STPG2: variants seen among roughly 807,000 people sequenced by gnomAD.
STPG2 encodes the protein sperm tail PG-rich repeat containing 2.
STPG2 carries 56 observed loss-of-function variants against 54.2 expected under a neutral mutation model. The ratio of observed to expected loss-of-function variants is 1.03; its 90% CI spans 0.83 to 1.29. The LOEUF (loss-of-function observed/expected upper bound fraction) is 1.29, where lower values mean the gene tolerates loss of function less well. STPG2 is among the 50% of genes most tolerant of loss of function. The pLI, the probability that STPG2 is intolerant of heterozygous loss-of-function variation, is 0.00. For missense variants in STPG2, 596 were observed against 544.9 expected, an observed-to-expected ratio of 1.09 and a Z score of -0.93; for synonymous variants, 200 against 181.8, an observed-to-expected ratio of 1.10 and a Z score of -0.81.
intron 9 of STPG2, among the ~76,000 whole-genome samples, chr4:97,801,921 T>G (rs891143224): frequency 6.6e-6 from 1 of 152,156 alleles, no homozygotes; most frequent in African/African-American, 2.4e-5. Flanking sequence ...TAACGTTAAC[T>G]TTACATCAAA....
intron 9 of STPG2, among the ~76,000 whole-genome samples, chr4:97,774,750 G>A (rs1349622524): frequency 1.3e-5 from 2 of 152,120 alleles, no homozygotes; most frequent in Non-Finnish European, 2.9e-5. Context: ...CATAGTGTTG[G>A]CTCCACACTA....
At chr4:98,137,813 T>C (rs1003367268) in intron 1 of STPG2, among the ~76,000 whole-genome samples, 1 of 151,842 alleles carries the variant, frequency 6.6e-6, no homozygotes, top group African/African-American at 2.4e-5. Context: ...TATGAAATAA[T>C]TGGGCAATAA....
intron 8 of STPG2, among the ~76,000 whole-genome samples, chr4:97,936,395 T>C (rs76787011): frequency 0.017 from 2,542 of 152,326 alleles, 84 homozygotes; most frequent in African/African-American, 0.058. Flanking sequence ...AACATTGTTA[T>C]GTTATTAAAT....
intron 10 of STPG2, among the ~76,000 whole-genome samples, chr4:97,634,437 C>T (rs1037457181): frequency 2.0e-5 from 3 of 152,198 alleles, no homozygotes; most frequent in Non-Finnish European, 4.4e-5. Context: ...GAGCTCCTCT[C>T]CTCCTCCAAA....
chr4:97,652,057 T>A (rs540768483), intron 10 of STPG2, among the ~76,000 whole-genome samples: 24 of 151,960 alleles, frequency 1.6e-4, no homozygotes, highest in African/African-American at 5.3e-4. Flanking sequence ...AGCTGTAGAA[T>A]CTTAAACAGA....
chr4:97,612,412 A>G (rs964210494), intron 10 of STPG2, among the ~76,000 whole-genome samples: 1 of 152,074 alleles, frequency 6.6e-6, no homozygotes, highest in Non-Finnish European at 1.5e-5. Context: ...CAAATTGGCA[A>G]TGTATGTAAA....
In STPG2 at chr4:97,801,087, T is replaced by C. The variant is rs1389972881; in HGVS notation, c.1204+39686A>G. Among the ~76,000 whole-genome samples, 2 of 152,136 alleles carry C rather than the reference T, an allele frequency of 1.3e-5. 1 individual carries two copies. The highest frequency in any genetic ancestry group is 2.9e-5 in the Non-Finnish European group (2 of 68,022). On this transcript the variant is annotated intron_variant, in intron 9 of 10. Transcript: ENST00000295268. ...TTTCCAGGTGCCGTCTGTCACAGCT[T>C]CTCTTGGCTAGGAAAGGGAATTCTC...
chr4:97,975,963 G>A (rs982592319), intron 6 of STPG2, among the ~76,000 whole-genome samples: 1 of 152,124 alleles, frequency 6.6e-6, no homozygotes, highest in African/African-American at 2.4e-5. Context: ...AGAAACAGTT[G>A]ACAAAAGAGT....
At chr4:97,781,823 GA>G (rs1023350007) in intron 9 of STPG2, among the ~76,000 whole-genome samples, 2 of 152,016 alleles carry the variant, frequency 1.3e-5, no homozygotes, top group South Asian at 2.1e-4. Context: ...CAGAACCAAA[GA>G]AAAAAACCAC....
intron 8 of STPG2, among the ~76,000 whole-genome samples, chr4:97,904,209 C>A (rs1017278562): frequency 6.6e-6 from 1 of 152,198 alleles, no homozygotes; most frequent in African/African-American, 2.4e-5. Flanking sequence ...TGTCTAACAG[C>A]TTTGAAGAGA....
chr4:97,608,462 G>T (rs1267454656), intron 10 of STPG2, among the ~76,000 whole-genome samples: 1 of 152,060 alleles, frequency 6.6e-6, no homozygotes, highest in Non-Finnish European at 1.5e-5. Flanking sequence ...ATTTGCTGCT[G>T]TGCACGTGTC....
intron 5 of STPG2, among the ~76,000 whole-genome samples, chr4:98,010,565 T>C (rs1260770549): frequency 3.3e-5 from 5 of 151,986 alleles, no homozygotes; most frequent in African/African-American, 9.7e-5. Flanking sequence ...TCTTGGTTTG[T>C]GGTTTTTTGT....
chr4:97,737,542 G>C (rs1230759916), intron 9 of STPG2, among the ~76,000 whole-genome samples: 1 of 152,150 alleles, frequency 6.6e-6, no homozygotes, highest in Non-Finnish European at 1.5e-5. Flanking sequence ...GAAAGCCAAG[G>C]CTCGAGAACT....
At chr4:98,064,510 TA>T (rs1478302895) in intron 5 of STPG2, among the ~76,000 whole-genome samples, 1 of 152,244 alleles carries the variant, frequency 6.6e-6, no homozygotes, top group African/African-American at 2.4e-5. Context: ...ATTTAAGATG[TA>T]AAATGTTAAA....
At position 97,635,922 on chromosome 4, in the gene STPG2, G is replaced by C. The variant is rs1032785694; in HGVS notation, c.1320+76777C>G. On this transcript the variant is annotated intron_variant, in intron 10 of 10. Transcript: ENST00000295268. ...CTTTAACACCCCACTGTCAACATTA[G>C]ACAGATCAACGAGACAGAAAGTCAA... 3.0e-4 allele frequency among the ~76,000 whole-genome samples: 46 copies of C among 151,996 alleles called. 1 individual carries two copies. The highest frequency in any genetic ancestry group is 1.8e-4 in the Non-Finnish European group (12 of 68,028).
Position 97,921,618 on chromosome 4 carries a change from A to T in STPG2, c.1044+22279T>A, listed in dbSNP as rs568817710. On this transcript the variant is annotated intron_variant, in intron 8 of 10. Coordinates refer to ENST00000295268, the MANE Select transcript of STPG2 (RefSeq NM_174952.3). ...CCAGAGGAACAAAAAGAAAGCAAAA[A>T]ACCTACAAGACATATATGGGACATC... Among the ~76,000 whole-genome samples, 17 of 152,140 alleles carry T rather than the reference A, an allele frequency of 1.1e-4. No individual in the cohort carries two copies. In the South Asian group the frequency reaches 2.1e-3, roughly 19 times the overall value.
intron 7 of STPG2, among the ~76,000 whole-genome samples, chr4:97,945,504 T>C (rs527569546): frequency 6.6e-6 from 1 of 152,166 alleles, no homozygotes; most frequent in African/African-American, 2.4e-5. Flanking sequence ...AATTGTGAAT[T>C]TGGCTACAAT....
At chr4:97,719,313 G>A (rs376075432) in intron 9 of STPG2, among the ~76,000 whole-genome samples, 8 of 152,002 alleles carry the variant, frequency 5.3e-5, no homozygotes, top group African/African-American at 1.9e-4. Flanking sequence ...TGTAGGGCAT[G>A]ACACATCAGA....
At chr4:97,454,607 G>A (rs1466840139) in intron 4 of STPG2, among the ~76,000 whole-genome samples, 2 of 127,038 alleles carry the variant, frequency 1.6e-5, no homozygotes, top group Non-Finnish European at 3.3e-5. Flanking sequence ...TTTTGTATTT[G>A]TAAAAATAAA....
Sources: allele counts gnomAD v4.1 joint callset (sites outside exome capture counted in the v4.1 genomes callset), GRCh38; gene constraint gnomAD v4.1.1; transcripts MANE v1.5; gene names NCBI Gene and HGNC (gene_info 2026-07-23, HGNC 2026-07-21).